PCDHGB7: variants seen among roughly 807,000 people sequenced by gnomAD.
The protein encoded by PCDHGB7 is protocadherin gamma-B7.
In PCDHGB7, 37 loss-of-function variants were observed where a neutral mutation model predicts 61.4. The observed-to-expected ratio is 0.60, with a 90% CI of 0.46 to 0.79. The LOEUF (loss-of-function observed/expected upper bound fraction) is 0.79. Ranked by LOEUF, PCDHGB7 falls within the 30% of genes least tolerant of loss-of-function variation. The pLI is 0.00. For synonymous variants in PCDHGB7, 464 were observed against 503.5 expected (o/e 0.92, Z 1.05); for missense variants, 1,166 against 1,202.5 (o/e 0.97, Z 0.45).
At chr5:141,459,199 A>G (rs930769883) in intron 1 of PCDHGB7, among the ~76,000 whole-genome samples, 6 of 152,200 alleles carry the variant, frequency 3.9e-5, no homozygotes, top group African/African-American at 1.4e-4. Flanking sequence ...TTTGCAATCA[A>G]TTCACTACTT....
chr5:141,417,859 G>T lies in PCDHGB7; in HGVS notation c.-1G>T, dbSNP rs925593025. The T allele has an allele frequency of 6.5e-6, 10 of 1,548,090 alleles. No individual in the cohort carries two copies. Among genetic ancestry groups the T allele is most frequent in the African/African-American group, 2.7e-5 (2 of 72,930 alleles). ...GGACCCAGCGAGAACCCGAGCGAACGATGGGAGGGAGCTGCGCGCAGAGGC... is the reference window on the plus strand; with the variant it reads ...GGACCCAGCGAGAACCCGAGCGAACTATGGGAGGGAGCTGCGCGCAGAGGC... On this transcript the variant is annotated 5_prime_UTR_variant, in exon 1 of 4. Coordinates refer to ENST00000398594, the MANE Select transcript of PCDHGB7 (RefSeq NM_018927.4).
At chr5:141,478,487 A>G (rs1593917832) in intron 1 of PCDHGB7, 1 of 1,613,454 alleles carries the variant, frequency 6.2e-7, no homozygotes, top group South Asian at 1.1e-5. Flanking sequence ...CACGCTGCGG[A>G]GCTGTGATCC....
In PCDHGB7 at chr5:141,494,832, G is replaced by A. The variant is rs758427900; in HGVS notation, c.2441G>A (p.Arg814His). The A allele has an allele frequency of 1.2e-6, 2 of 1,614,066 alleles. No homozygotes were observed. Among genetic ancestry groups the A allele is most frequent in the Non-Finnish European group, 1.7e-6 (2 of 1,179,994 alleles). The change falls in exon 2 of 4, where the codon CGT (arginine) becomes CAT (histidine). Residue 814 changes from arginine (R) to histidine (H), a missense_variant. Transcript: ENST00000398594. ...CAAGCCCCGCCCAACACGGACTGGC[G>A]TTTCTCTCAGGCCCAGAGACCCGGC... ...KQQAPPNTDW[R>H]FSQAQRPGTS...
intron 3 of PCDHGB7, among the ~76,000 whole-genome samples, chr5:141,508,620 G>A (rs1017391751): frequency 2.0e-5 from 3 of 152,070 alleles, no homozygotes; most frequent in East Asian, 1.9e-4. Context: ...GACGTGGGTG[G>A]GCCGAGCTTC....
intron 1 of PCDHGB7, among the ~76,000 whole-genome samples, chr5:141,448,831 G>C (rs985602153): frequency 4.6e-5 from 7 of 152,096 alleles, no homozygotes; most frequent in Non-Finnish European, 7.4e-5. Flanking sequence ...TGTAGTCCCA[G>C]CTACTCTGGA....
Position 141,490,351 on chromosome 5 carries a change from T to C in PCDHGB7, c.2416-4456T>C. Reference sequence around the variant, plus strand: ...CACACCAGTGGGCACAGTAGTGGGGTTGTTTAATGTGCGAGACCGGGACTC... The same window carrying C: ...CACACCAGTGGGCACAGTAGTGGGGCTGTTTAATGTGCGAGACCGGGACTC... On this transcript the variant is annotated intron_variant, in intron 1 of 3. Transcript: ENST00000398594. The surrounding 1 kb of genome is among the most constrained non-coding windows in gnomAD (Gnocchi z 5.4). 6.2e-7 allele frequency: 1 copy of C among 1,614,028 alleles called. No individual in the cohort carries two copies. The highest frequency in any genetic ancestry group is 1.3e-5 in the African/African-American group (1 of 74,976).
Position 141,485,156 on chromosome 5 carries a change from A to G in PCDHGB7, c.2416-9651A>G. The G allele has an allele frequency of 6.3e-7, 1 of 1,599,118 alleles. No homozygotes were observed. The highest frequency in any genetic ancestry group is 8.6e-7 in the Non-Finnish European group (1 of 1,168,318). On this transcript the variant is annotated intron_variant, in intron 1 of 3. Transcript: ENST00000398594. The surrounding 1 kb of genome is among the most constrained non-coding windows in gnomAD (Gnocchi z 5.7). ...ATCCGCGTCTCAGGAGCAAGTAGAG[A>G]ATTAGCGGGCGGCAGCAATGCTCCG... is the stretch of plus-strand genomic sequence containing the variant.
Position 141,512,089 on chromosome 5 carries a change from T to C in PCDHGB7, c.*916T>C, listed in dbSNP as rs1292597067. 6.6e-6 allele frequency: 1 copy of C among 152,606 alleles called. No individual in the cohort carries two copies. Among genetic ancestry groups the C allele is most frequent in the Non-Finnish European group, 1.5e-5 (1 of 68,068 alleles). 9.5% of individuals were successfully genotyped at this position (152,606 alleles called of 1,614,324 possible). A position where few individuals can be genotyped will look rare whatever the true frequency, so the allele number is the denominator to read the frequency against. ...CCTCCAGATTCCAGCCATAAACCAA[T>C]AACTAGGCTGGACCCTTCCCACTAC... On this transcript the variant is annotated 3_prime_UTR_variant, in exon 4 of 4. Coordinates refer to ENST00000398594, the MANE Select transcript of PCDHGB7 (RefSeq NM_018927.4).
At chr5:141,429,378 T>TTTG (rs2097208019) in intron 1 of PCDHGB7, among the ~76,000 whole-genome samples, 1 of 105,336 alleles carries the variant, frequency 9.5e-6, no homozygotes, top group African/African-American at 5.2e-5. Flanking sequence ...AGAAAATGTG[T>TTTG]TTTTTTTTTA....
Position 141,487,564 on chromosome 5 carries a change from G to A in PCDHGB7, c.2416-7243G>A, listed in dbSNP as rs1436847912. ...AGTCACCCAGTGCACCTATGGCAGG[G>A]GAGCCTGTTCGCCCAAGCTGCCCAC... On this transcript the variant is annotated intron_variant, in intron 1 of 3. Coordinates refer to ENST00000398594, the MANE Select transcript of PCDHGB7 (RefSeq NM_018927.4). This position sits in a 1 kb window ranked among gnomAD's most constrained non-coding sequence, Gnocchi z 5.0. 3 of 1,614,178 alleles carry A rather than the reference G, an allele frequency of 1.9e-6. No homozygotes were observed. Among genetic ancestry groups the A allele is most frequent in the Non-Finnish European group, 2.5e-6 (3 of 1,180,040 alleles).
intron 2 of PCDHGB7, among the ~76,000 whole-genome samples, chr5:141,504,748 T>A (rs979724181): frequency 7.2e-5 from 11 of 151,880 alleles, no homozygotes; most frequent in Non-Finnish European, 1.3e-4. Context: ...CCATTGAATT[T>A]TAGAAATTTC....
chr5:141,485,814 CT>C lies in PCDHGB7; in HGVS notation c.2416-8992del, dbSNP rs2099619658. On this transcript the variant is annotated intron_variant, in intron 1 of 3. Transcript: ENST00000398594. The surrounding 1 kb of genome is among the most constrained non-coding windows in gnomAD (Gnocchi z 5.7). ...TCGGACTACCGCCTGGTGCTGACTGCTGTCGATGGAGGGAACCCGCCGAGAT... is the reference window on the plus strand; with the variant it reads ...TCGGACTACCGCCTGGTGCTGACTGCGTCGATGGAGGGAACCCGCCGAGAT... The C allele has an allele frequency of 6.2e-7, 1 of 1,613,864 alleles. No individual in the cohort carries two copies. Among genetic ancestry groups the C allele is most frequent in the Non-Finnish European group, 8.5e-7 (1 of 1,179,990 alleles).
Position 141,486,534 on chromosome 5 carries a change from C to G in PCDHGB7, c.2416-8273C>G. The stretch of plus-strand genomic sequence containing the variant: ...TCAGATGTGAATGATAATCCACCCT[C>G]TTTCTTTCAGAGGTCACATGAGGTG... On this transcript the variant is annotated intron_variant, in intron 1 of 3. Transcript: ENST00000398594. The surrounding 1 kb of genome is among the most constrained non-coding windows in gnomAD (Gnocchi z 5.0). 1 of 1,614,176 alleles carries G rather than the reference C, an allele frequency of 6.2e-7. No individual in the cohort carries two copies. Among genetic ancestry groups the G allele is most frequent in the Non-Finnish European group, 8.5e-7 (1 of 1,180,030 alleles).
At chr5:141,510,132 G>A (rs920772998) in intron 3 of PCDHGB7, among the ~76,000 whole-genome samples, 2 of 152,120 alleles carry the variant, frequency 1.3e-5, no homozygotes, top group African/African-American at 4.8e-5. Context: ...AAATTAGCTG[G>A]GCTAGTGGTG....
At chr5:141,471,660 A>G (rs1010236543) in intron 1 of PCDHGB7, 12 of 152,184 alleles carry the variant, frequency 7.9e-5, no homozygotes, top group Non-Finnish European at 1.8e-4. Flanking sequence ...GTGGGGATGC[A>G]GAAAAAAATA....
At chr5:141,438,583 CATACATACATATATATATATATATATAT>C (rs1227221577) in intron 1 of PCDHGB7, among the ~76,000 whole-genome samples, 1 of 57,610 alleles carries the variant, frequency 1.7e-5, no homozygotes, top group African/African-American at 9.0e-5. Flanking sequence ...TACATACATA[CATACATACATATATATATATATATATAT>C]ATATATATAT....
chr5:141,507,781 C>A (rs2099863256), intron 3 of PCDHGB7, among the ~76,000 whole-genome samples: 1 of 152,214 alleles, frequency 6.6e-6, no homozygotes, highest in South Asian at 2.1e-4. Flanking sequence ...CAGGGCCTGA[C>A]CCTCGTCTAA....
At chr5:141,478,412 TC>T in intron 1 of PCDHGB7, 2 of 1,611,958 alleles carry the variant, frequency 1.2e-6, no homozygotes, top group Non-Finnish European at 1.7e-6. Flanking sequence ...CACCACGGAC[TC>T]CCGCCGCAGC....
chr5:141,494,843 G>T lies in PCDHGB7; in HGVS notation c.2452G>T (p.Ala818Ser). The T allele has an allele frequency of 6.2e-7, 1 of 1,614,088 alleles. No individual in the cohort carries two copies. The highest frequency in any genetic ancestry group is 8.5e-7 in the Non-Finnish European group (1 of 1,180,006). ...PPNTDWRFSQ[A>S]QRPGTSGSQN... Reference sequence around the variant, plus strand: ...CAACACGGACTGGCGTTTCTCTCAGGCCCAGAGACCCGGCACCAGCGGGTA... The same window carrying T: ...CAACACGGACTGGCGTTTCTCTCAGTCCCAGAGACCCGGCACCAGCGGGTA... Residue 818 changes from alanine (A) to serine (S), a missense_variant, in exon 2 of 4, where the codon GCC becomes TCC. Transcript: ENST00000398594.
Sources: allele counts gnomAD v4.1 joint callset (sites outside exome capture counted in the v4.1 genomes callset), GRCh38; gene constraint gnomAD v4.1.1; non-coding constraint Gnocchi (gnomAD v3.1); transcripts MANE v1.5; gene names NCBI Gene and HGNC (gene_info 2026-07-23, HGNC 2026-07-21).